CNOT2: variants seen among roughly 807,000 people sequenced by gnomAD.
CNOT2 encodes the protein CCR4-NOT transcription complex subunit 2, also known as CC chemokine receptor 4-negative regulator of transcription 2.
In CNOT2, 7 loss-of-function variants were observed where a neutral mutation model predicts 72.1. The ratio of observed to expected loss-of-function variants is 0.10; its 90% CI spans 0.06 to 0.18. The LOEUF (loss-of-function observed/expected upper bound fraction) is 0.18, where lower values mean the gene tolerates loss of function less well. CNOT2 is among the 10% of genes least tolerant of loss of function. The pLI is 1.00. For synonymous variants in CNOT2, 196 were observed against 225.6 expected, an observed-to-expected ratio of 0.87 and a Z score of 1.17; for missense variants, 345 against 660.3, an observed-to-expected ratio of 0.52 and a Z score of 5.23.
rs68143994 is a variant in CNOT2 at position 70,288,136 on chromosome 12, C to CTTTTTTTTTT, written c.48+9877_48+9886dup. ...GGGTTATTACAATTATGGTGTAGCT[C>CTTTTTTTTTT]TTTTTTTTTTTTTTTTTTTTTTTTG... is the stretch of plus-strand genomic sequence containing the variant. On this transcript the variant is annotated intron_variant, in intron 2 of 15. Transcript: ENST00000229195. Among the ~76,000 whole-genome samples, 35 of 86,698 alleles carry CTTTTTTTTTT rather than the reference C, an allele frequency of 4.0e-4. 1 individual carries two copies. Among genetic ancestry groups the CTTTTTTTTTT allele is most frequent in the Middle Eastern group, 9.1e-3 (1 of 110 alleles). 56.9% of individuals were successfully genotyped at this position (86,698 alleles called of 152,430 possible).
intron 2 of CNOT2, among the ~76,000 whole-genome samples, chr12:70,296,854 C>CA (rs1292674230): frequency 6.6e-6 from 1 of 150,762 alleles, no homozygotes; most frequent in East Asian, 2.0e-4. Flanking sequence ...AATCCTATCA[C>CA]AAAAAATACT....
At chr12:70,347,421 A>G (rs1882317643) in intron 15 of CNOT2, among the ~76,000 whole-genome samples, 1 of 152,042 alleles carries the variant, frequency 6.6e-6, no homozygotes, top group Non-Finnish European at 1.5e-5. Context: ...TCATGAGATC[A>G]GGAGATCAAG....
chr12:70,289,547 T>A (rs1871501036), intron 2 of CNOT2, among the ~76,000 whole-genome samples: 1 of 152,190 alleles, frequency 6.6e-6, no homozygotes, highest in African/African-American at 2.4e-5. Context: ...GTCTTCACTG[T>A]CCTTTGAGGA....
At chr12:70,303,620 C>T (rs1424284364) in intron 2 of CNOT2, among the ~76,000 whole-genome samples, 1 of 152,152 alleles carries the variant, frequency 6.6e-6, no homozygotes, top group African/African-American at 2.4e-5. Flanking sequence ...TTGTGGGTAA[C>T]CCGACCTTTC....
chr12:70,302,001 T>A (rs1391929246), intron 2 of CNOT2: 1 of 152,240 alleles, frequency 6.6e-6, no homozygotes, highest in African/African-American at 2.4e-5. Context: ...TCTAGTTTAT[T>A]TGTGTAGAGG....
chr12:70,319,939 T>C (rs1878013324), intron 4 of CNOT2, among the ~76,000 whole-genome samples: 1 of 151,698 alleles, frequency 6.6e-6, no homozygotes, highest in Admixed American at 6.6e-5. Flanking sequence ...GTAATACTTT[T>C]AAAGCGCTTA....
chr12:70,321,041 A>G (rs1224332389), intron 4 of CNOT2, among the ~76,000 whole-genome samples: 1 of 151,884 alleles, frequency 6.6e-6, no homozygotes, highest in East Asian at 1.9e-4. Context: ...CATTAGAAAA[A>G]GAATTTTTAA....
intron 2 of CNOT2, among the ~76,000 whole-genome samples, chr12:70,289,473 A>C (rs527278904): frequency 6.6e-6 from 1 of 152,048 alleles, no homozygotes; most frequent in Non-Finnish European, 1.5e-5. Context: ...GAGCTTCTTG[A>C]ATTTGTATGT....
In CNOT2 at chr12:70,354,635, GGTAT is replaced by G. The variant is rs1883259655; in HGVS notation, c.*728_*731del. On this transcript the variant is annotated 3_prime_UTR_variant, in exon 16 of 16. Transcript: ENST00000229195. The stretch of plus-strand genomic sequence containing the variant: ...AATTTTTGGACATCACATGAATAAA[GGTAT>G]GTATGTACGAATGTGTATATATTAT... The G allele has an allele frequency of 6.6e-6, 1 of 152,376 alleles. No homozygotes were observed. Among genetic ancestry groups the G allele is most frequent in the African/African-American group, 2.4e-5 (1 of 41,334 alleles). 9.4% of individuals were successfully genotyped at this position (152,376 alleles called of 1,614,324 possible). A position where few individuals can be genotyped will look rare whatever the true frequency, so the allele number is the denominator to read the frequency against.
At chr12:70,244,200 C>T (rs1045922077) in intron 1 of CNOT2, 1 of 152,202 alleles carries the variant, frequency 6.6e-6, no homozygotes, top group South Asian at 2.1e-4. Flanking sequence ...GTGAAGCTTC[C>T]GTAGTGTCGT....
At chr12:70,338,348 A>G (rs1880980704) in intron 9 of CNOT2, 95 bp from the exon 10 acceptor site, 1 of 1,031,926 alleles carries the variant, frequency 9.7e-7, no homozygotes, top group Non-Finnish European at 1.4e-6. Flanking sequence ...ACCAATTTAA[A>G]TGTAATAAAG....
chr12:70,300,685 A>T (rs533417339), intron 2 of CNOT2, among the ~76,000 whole-genome samples: 30 of 152,242 alleles, frequency 2.0e-4, no homozygotes, highest in African/African-American at 6.0e-4. Context: ...TTGGCTTAGG[A>T]TTGACTTGGC....
At chr12:70,346,375 G>C in intron 15 of CNOT2, 51 bp downstream of exon 15, 1 of 1,483,834 alleles carries the variant, frequency 6.7e-7, no homozygotes, top group South Asian at 1.1e-5. Flanking sequence ...GAAAAAAGAA[G>C]TGTCCTCTTT....
chr12:70,257,611 C>A (rs534446023), intron 1 of CNOT2, among the ~76,000 whole-genome samples: 1 of 151,968 alleles, frequency 6.6e-6, no homozygotes, highest in Non-Finnish European at 1.5e-5. Flanking sequence ...TCGTGAGCCA[C>A]CTGCCTCGGC....
chr12:70,291,014 TAAAAC>T (rs371645305), intron 2 of CNOT2, among the ~76,000 whole-genome samples: 42 of 152,234 alleles, frequency 2.8e-4, no homozygotes, highest in African/African-American at 9.4e-4. Flanking sequence ...GAATGAAAAA[TAAAAC>T]AGTACAGGTC....
intron 4 of CNOT2, among the ~76,000 whole-genome samples, chr12:70,320,808 G>A (rs896482102): frequency 6.6e-6 from 1 of 151,726 alleles, no homozygotes; most frequent in African/African-American, 2.4e-5. Context: ...GAGAAACTAA[G>A]GTTATTTTGT....
chr12:70,306,221 T>C (rs1254889741), intron 2 of CNOT2, among the ~76,000 whole-genome samples: 1 of 152,194 alleles, frequency 6.6e-6, no homozygotes, highest in Non-Finnish European at 1.5e-5. Context: ...GGCATGATGA[T>C]CTTGGCTCAC....
rs73324133 is a variant in CNOT2 at position 70,335,816 on chromosome 12, G to T, written c.775+253G>T. 9.3e-3 allele frequency: 2,616 copies of T among 280,156 alleles called. 66 individuals carry two copies. The highest frequency in any genetic ancestry group is 0.053 in the African/African-American group (2,420 of 45,530). 17.4% of individuals were successfully genotyped at this position (280,156 alleles called of 1,614,324 possible). A position where few individuals can be genotyped will look rare whatever the true frequency, so the allele number is the denominator to read the frequency against. ...AGGAAGTCCTCATTGGTATTCAGAA[G>T]TTATTTTCTTCTGTTATCCCTGCCT... On this transcript the variant is annotated intron_variant, in intron 8 of 15. Coordinates refer to ENST00000229195, the MANE Select transcript of CNOT2 (RefSeq NM_014515.7).
intron 3 of CNOT2, among the ~76,000 whole-genome samples, chr12:70,313,652 G>A (rs1876847175): frequency 6.6e-6 from 1 of 151,886 alleles, no homozygotes; most frequent in African/African-American, 2.4e-5. Flanking sequence ...AACTATTTTA[G>A]GCTTTGTGGA....
Sources: allele counts gnomAD v4.1 joint callset (sites outside exome capture counted in the v4.1 genomes callset), GRCh38; gene constraint gnomAD v4.1.1; transcripts MANE v1.5; gene names NCBI Gene and HGNC (gene_info 2026-07-23, HGNC 2026-07-21).